The following HTR4 variants were observed in gnomAD, a reference collection of about 807,000 sequenced individuals.
HTR4 encodes the protein 5-hydroxytryptamine (serotonin) receptor 4, G protein-coupled.
In HTR4, 16 loss-of-function variants were observed where a neutral mutation model predicts 36.8. The ratio of observed to expected loss-of-function variants is 0.43; its 90% CI spans 0.29 to 0.66. The LOEUF (loss-of-function observed/expected upper bound fraction) is 0.66. Among genes scored for constraint, HTR4 ranks in the 30% least tolerant of loss-of-function variants. The probability of loss-of-function intolerance (pLI) is 0.13; values close to 1 mark genes in which losing one functional copy is unlikely to be tolerated. For missense variants in HTR4, 438 were observed against 490.9 expected (o/e 0.89, Z 1.02); for synonymous variants, 189 against 185.1 (o/e 1.02, Z -0.17).
intron 5 of HTR4, among the ~76,000 whole-genome samples, chr5:148,467,810 T>C (rs1755466115): frequency 6.6e-6 from 1 of 152,246 alleles, no homozygotes; most frequent in African/African-American, 2.4e-5. Context: ...TGTTTTTACA[T>C]ACAGAGATTG....
intron 2 of HTR4, among the ~76,000 whole-genome samples, chr5:148,613,156 A>G (rs1243132541): frequency 2.6e-4 from 39 of 151,302 alleles, no homozygotes; most frequent in Non-Finnish European, 4.9e-4. Flanking sequence ...TAGAAAAAGA[A>G]GGAATCCTCC....
At chr5:148,517,642 A>G (rs1348389339) in intron 5 of HTR4, among the ~76,000 whole-genome samples, 1 of 151,722 alleles carries the variant, frequency 6.6e-6, no homozygotes, top group Non-Finnish European at 1.5e-5. Context: ...TTTCAAAAAA[A>G]AAAAAAAATC....
At chr5:148,619,341 C>T (rs778361111) in intron 2 of HTR4, among the ~76,000 whole-genome samples, 11 of 152,040 alleles carry the variant, frequency 7.2e-5, no homozygotes, top group Non-Finnish European at 1.0e-4. Flanking sequence ...GAAAAAAATG[C>T]CCTTACAAAC....
chr5:148,631,608 G>T lies in HTR4; in HGVS notation c.26+5381C>A, dbSNP rs114593437. On this transcript the variant is annotated intron_variant, in intron 2 of 6. Transcript: ENST00000377888. ...ATTTCAGGCTTTAGTGAAGCATAAT[G>T]TGTATTTTTACCAGTATTAATCAAC... is the stretch of plus-strand genomic sequence containing the variant. Among the ~76,000 whole-genome samples the T allele has an allele frequency of 8.9e-3, 1,360 of 152,210 alleles. 26 individuals are homozygous for T. Among genetic ancestry groups the T allele is most frequent in the African/African-American group, 0.031 (1,301 of 41,534 alleles).
chr5:148,544,404 A>G (rs1227629767), intron 4 of HTR4, among the ~76,000 whole-genome samples: 1 of 152,074 alleles, frequency 6.6e-6, no homozygotes, highest in African/African-American at 2.4e-5. Context: ...AAATGGAACT[A>G]TGCTAAACAT....
chr5:148,472,168 A>G (rs1200845452), downstream of HTR4, among the ~76,000 whole-genome samples: 1 of 152,188 alleles, frequency 6.6e-6, no homozygotes, highest in African/African-American at 2.4e-5. Flanking sequence ...GAAGGTGGCA[A>G]TACAGAGTCT....
chr5:148,629,548 T>C (rs1753246102), intron 2 of HTR4: 1 of 152,198 alleles, frequency 6.6e-6, no homozygotes, highest in Non-Finnish European at 1.5e-5. Context: ...GTGGAACTGA[T>C]AGAGCTGGAG....
At chr5:148,501,454 A>T (rs1756930196) in intron 6 of HTR4, among the ~76,000 whole-genome samples, 2 of 152,204 alleles carry the variant, frequency 1.3e-5, no homozygotes, top group Admixed American at 1.3e-4. Flanking sequence ...ATTCATCTGA[A>T]TTTGCTAATG....
At chr5:148,565,759 T>C (rs1303397493) in intron 2 of HTR4, among the ~76,000 whole-genome samples, 3 of 152,098 alleles carry the variant, frequency 2.0e-5, no homozygotes, top group African/African-American at 7.2e-5. Context: ...TGCCCAAAGA[T>C]AGACAGACTG....
At chr5:148,458,076 G>T (rs58194974) in intron 5 of HTR4, among the ~76,000 whole-genome samples, 15 of 39,596 alleles carry the variant, frequency 3.8e-4, no homozygotes, top group South Asian at 9.7e-4. Flanking sequence ...CTATTTAATA[G>T]ATCTTAAAAT....
intron 2 of HTR4, among the ~76,000 whole-genome samples, chr5:148,583,003 G>A (rs1382716120): frequency 1.3e-5 from 2 of 151,804 alleles, no homozygotes; most frequent in Admixed American, 6.6e-5. Flanking sequence ...GGGCATCCCT[G>A]TCTTGTGCCA....
At chr5:148,619,907 TA>T (rs1286583277) in intron 2 of HTR4, among the ~76,000 whole-genome samples, 2 of 152,156 alleles carry the variant, frequency 1.3e-5, no homozygotes, top group Non-Finnish European at 2.9e-5. Context: ...AGGCAATTGA[TA>T]ATATAAAAAA....
At chr5:148,466,592 G>T (rs1054177308) in intron 5 of HTR4, among the ~76,000 whole-genome samples, 3 of 152,126 alleles carry the variant, frequency 2.0e-5, no homozygotes, top group African/African-American at 7.2e-5. Context: ...TCTAATCCCA[G>T]CTCCATTACT....
chr5:148,530,584 C>G (rs1426805423), intron 4 of HTR4, among the ~76,000 whole-genome samples: 1 of 152,208 alleles, frequency 6.6e-6, no homozygotes, highest in African/African-American at 2.4e-5. Context: ...AGGCAGGGCC[C>G]TCATGGAGAA....
chr5:148,549,828 C>T (rs1398280163), intron 3 of HTR4, among the ~76,000 whole-genome samples: 2 of 152,066 alleles, frequency 1.3e-5, no homozygotes, highest in African/African-American at 4.8e-5. Context: ...CTTCCCTAAA[C>T]CATTAATAAA....
intron 2 of HTR4, among the ~76,000 whole-genome samples, chr5:148,571,892 A>T (rs1335855771): frequency 6.6e-6 from 1 of 152,082 alleles, no homozygotes; most frequent in African/African-American, 2.4e-5. Context: ...CTTCCATAAA[A>T]AGCTGTAATT....
chr5:148,508,161 TG>T (rs1757311186), intron 6 of HTR4, among the ~76,000 whole-genome samples: 1 of 152,136 alleles, frequency 6.6e-6, no homozygotes, highest in African/African-American at 2.4e-5. Flanking sequence ...CACATGCAAA[TG>T]AAAATATCCC....
intron 4 of HTR4, among the ~76,000 whole-genome samples, chr5:148,538,578 A>G (rs1758946977): frequency 6.6e-6 from 1 of 152,128 alleles, no homozygotes; most frequent in African/African-American, 2.4e-5. Flanking sequence ...CTATATACCT[A>G]CGACAGCCAA....
At chr5:148,649,357 T>A (rs910477020) in intron 1 of HTR4, among the ~76,000 whole-genome samples, 3 of 152,186 alleles carry the variant, frequency 2.0e-5, no homozygotes, top group African/African-American at 7.2e-5. Flanking sequence ...ACTTTCTGAT[T>A]GAGATATCAA....
Sources: allele counts gnomAD v4.1 joint callset (sites outside exome capture counted in the v4.1 genomes callset), GRCh38; gene constraint gnomAD v4.1.1; transcripts MANE v1.5; gene names NCBI Gene and HGNC (gene_info 2026-07-23, HGNC 2026-07-21).